The following DLG2 variants were observed in gnomAD, a reference collection of about 807,000 sequenced individuals.
The protein encoded by DLG2 is discs large MAGUK scaffold protein 2, also known as disks large homolog 2.
A neutral mutation model predicts 132.5 loss-of-function variants in DLG2; 45 were observed. That is an observed-to-expected ratio of 0.34 (90% CI 0.27 to 0.44). DLG2 has a LOEUF of 0.44. DLG2 is among the 20% of genes least tolerant of loss of function. The pLI is 1.00. For synonymous variants in DLG2, 424 were observed against 419.6 expected (o/e 1.01, Z -0.13); for missense variants, 1,045 against 1,196.9 (o/e 0.87, Z 1.87).
At chr11:85,232,461 T>C (rs1187811634) in intron 4 of DLG2, among the ~76,000 whole-genome samples, 1 of 151,938 alleles carries the variant, frequency 6.6e-6, no homozygotes, top group Admixed American at 6.6e-5. Flanking sequence ...AAAAGTCTAA[T>C]TTAATTTTTA....
intron 7 of DLG2, among the ~76,000 whole-genome samples, chr11:84,452,154 AGAGGAG>A (rs1462792107): frequency 1.3e-5 from 2 of 151,402 alleles, no homozygotes. Flanking sequence ...GAGATGAGGA[AGAGGAG>A]GAGGAGAAAA....
intron 8 of DLG2, among the ~76,000 whole-genome samples, chr11:84,191,293 T>C (rs2096403651): frequency 6.6e-6 from 1 of 152,232 alleles, no homozygotes; most frequent in Non-Finnish European, 1.5e-5. Context: ...CATGTGACTT[T>C]GCAAGATATG....
At chr11:83,484,291 T>C in intron 21 of DLG2, 63 bp from the exon 22 acceptor site, 1 of 1,189,362 alleles carries the variant, frequency 8.4e-7, no homozygotes, top group Admixed American at 1.9e-5. Flanking sequence ...ACACTCATGC[T>C]GACAAAACAA....
chr11:85,439,247 C>A (rs1006988891), intron 3 of DLG2, among the ~76,000 whole-genome samples: 3 of 152,088 alleles, frequency 2.0e-5, no homozygotes, highest in African/African-American at 7.2e-5. Flanking sequence ...ACTTTCCCAC[C>A]AGCAATGAAT....
At chr11:84,502,206 CCT>C (rs765961545) in intron 7 of DLG2, among the ~76,000 whole-genome samples, 10,028 of 21,152 alleles carry the variant, frequency 0.47, 3,568 homozygotes, top group Middle Eastern at 0.68. Context: ...CTCTCTCCTT[CCT>C]TCCTTCCTTC....
At position 84,905,297 on chromosome 11, in the gene DLG2, C is replaced by T. The variant is rs76469266; in HGVS notation, c.357+206364G>A. On this transcript the variant is annotated intron_variant, in intron 6 of 27. Transcript: ENST00000376104. ...TTTTTCTACTTCTTTAGTCTCTCCTCCAATGTTAAATACTTTTCAAAACTC... is the reference window on the plus strand; with the variant it reads ...TTTTTCTACTTCTTTAGTCTCTCCTTCAATGTTAAATACTTTTCAAAACTC... Among the ~76,000 whole-genome samples the T allele has an allele frequency of 2.8e-3, 424 of 152,288 alleles. 8 individuals are homozygous for T. In the East Asian group the frequency reaches 0.056, roughly 20 times the overall value.
intron 7 of DLG2, among the ~76,000 whole-genome samples, chr11:84,262,843 C>A (rs1386096265): frequency 6.6e-6 from 1 of 152,172 alleles, no homozygotes; most frequent in East Asian, 1.9e-4. Flanking sequence ...CAGGTCACTG[C>A]AAATGCTGTT....
At chr11:83,714,302 TAAAG>T (rs748028838) in intron 18 of DLG2, among the ~76,000 whole-genome samples, 2 of 151,722 alleles carry the variant, frequency 1.3e-5, no homozygotes, top group African/African-American at 2.4e-5. Flanking sequence ...GGAGAAAAGA[TAAAG>T]AAAAAGAGGA....
At position 84,883,903 on chromosome 11, in the gene DLG2, A is replaced by G. The variant is rs116613610; in HGVS notation, c.357+227758T>C. On this transcript the variant is annotated intron_variant, in intron 6 of 27. Transcript: ENST00000376104. ...GGAATCTGTATTCTATGGAATTTTA[A>G]GTCCTTTTGGCAGGAAATTGTAAAG... 7.0e-4 allele frequency among the ~76,000 whole-genome samples: 107 copies of G among 152,170 alleles called. 1 individual carries two copies. Among genetic ancestry groups the G allele is most frequent in the African/African-American group, 2.4e-3 (100 of 41,568 alleles).
At chr11:85,131,628 A>C (rs2152409709) in intron 5 of DLG2, among the ~76,000 whole-genome samples, 1 of 152,306 alleles carries the variant, frequency 6.6e-6, no homozygotes, top group South Asian at 2.1e-4. Context: ...TAACTCAACT[A>C]GAAGTTTTAG....
chr11:85,037,513 C>A (rs1172095298), intron 6 of DLG2, among the ~76,000 whole-genome samples: 1 of 152,072 alleles, frequency 6.6e-6, no homozygotes, highest in Non-Finnish European at 1.5e-5. Context: ...ATGAGCATAT[C>A]CTCAGGAGAG....
At chr11:85,512,107 T>A (rs117958736) in intron 3 of DLG2, among the ~76,000 whole-genome samples, 5,392 of 152,174 alleles carry the variant, frequency 0.035, 143 homozygotes, top group Admixed American at 0.053. Context: ...GAGTGGCTCT[T>A]TTCCCCTGTC....
At position 84,829,711 on chromosome 11, in the gene DLG2, T is replaced by C. The variant is rs1245851497; in HGVS notation, c.357+281950A>G. Among the ~76,000 whole-genome samples the C allele has an allele frequency of 6.6e-5, 10 of 151,804 alleles. No homozygotes were observed. In the East Asian group the frequency reaches 2.0e-3, roughly 30 times the overall value. On this transcript the variant is annotated intron_variant, in intron 6 of 27. Transcript: ENST00000376104. Reference sequence around the variant, plus strand: ...TTCAGAAGGGTCGAAGATAATGAGGTGTCTCATGTAGTGTACTTAGTACAG... The same window carrying C: ...TTCAGAAGGGTCGAAGATAATGAGGCGTCTCATGTAGTGTACTTAGTACAG...
At chr11:83,605,545 C>T (rs947960272) in intron 19 of DLG2, among the ~76,000 whole-genome samples, 4 of 152,122 alleles carry the variant, frequency 2.6e-5, no homozygotes, top group Admixed American at 2.0e-4. Context: ...AGAGCTTTAC[C>T]AGAATAAGCT....
At chr11:84,137,456 G>A (rs367911649) in intron 9 of DLG2, among the ~76,000 whole-genome samples, 1 of 151,494 alleles carries the variant, frequency 6.6e-6, no homozygotes, top group Non-Finnish European at 1.5e-5. Context: ...GTGTGTGTAT[G>A]TGTGTGCGTG....
chr11:85,049,750 C>T (rs902712515), intron 6 of DLG2, among the ~76,000 whole-genome samples: 2 of 151,988 alleles, frequency 1.3e-5, no homozygotes, highest in Non-Finnish European at 1.5e-5. Flanking sequence ...TAAGAATCTA[C>T]CAAACACCCA....
chr11:84,644,745 T>A (rs529612607), intron 6 of DLG2, among the ~76,000 whole-genome samples: 1 of 151,018 alleles, frequency 6.6e-6, no homozygotes, highest in East Asian at 1.9e-4. Context: ...AATGAAGTAA[T>A]TTTTTAAGCA....
chr11:83,726,806 C>G (rs186988798), intron 18 of DLG2, among the ~76,000 whole-genome samples: 9 of 152,136 alleles, frequency 5.9e-5, no homozygotes, highest in African/African-American at 1.9e-4. Context: ...TGAGGAGTAT[C>G]ATGAAGACTT....
At chr11:84,067,387 C>G (rs1179285914) in intron 10 of DLG2, among the ~76,000 whole-genome samples, 1 of 152,002 alleles carries the variant, frequency 6.6e-6, no homozygotes, top group East Asian at 1.9e-4. Context: ...AGGAATAATT[C>G]CACACATTTT....
Sources: gnomAD v4.1 joint callset for allele counts (sites outside exome capture counted in the v4.1 genomes callset) on GRCh38, gnomAD v4.1.1 for gene constraint, MANE v1.5 for transcripts, NCBI Gene and HGNC (gene_info 2026-07-23, HGNC 2026-07-21) for gene names.